The following MXD3 variants were observed in gnomAD, a reference collection of about 807,000 sequenced individuals.
MXD3 encodes the protein Max-associated protein 3.
In MXD3, 20 loss-of-function variants were observed where a neutral mutation model predicts 27.5. That is an observed-to-expected ratio of 0.73 (90% confidence interval 0.51 to 1.06). MXD3 has a LOEUF of 1.06. Ranked by LOEUF, MXD3 falls within the 50% of genes least tolerant of loss-of-function variation. The pLI is 0.00. For missense variants in MXD3, 298 were observed against 291.3 expected, an observed-to-expected ratio of 1.02 and a Z score of -0.17; for synonymous variants, 150 against 130.7, an observed-to-expected ratio of 1.15 and a Z score of -1.01.
rs750671130 is a variant in MXD3, at chr5:177,307,847, C to A, written c.439G>T (p.Glu147Ter). Residue 147 changes from glutamate to a stop codon, truncating the protein, a stop_gained, in exon 5 of 6, where the codon GAG becomes TAG. Coordinates refer to ENST00000439742, the MANE Select transcript of MXD3 (RefSeq NM_031300.4). LOFTEE classifies it high-confidence loss of function. ...TCCAGACTGTCCGCCCGCAGCCGCTCCCGCTCGGCCGCCCCTGCCAGCCCC... is the reference window on the plus strand; with the variant it reads ...TCCAGACTGTCCGCCCGCAGCCGCTACCGCTCGGCCGCCCCTGCCAGCCCC... Reference protein sequence around the residue: ...LRGLAGAAERERLRADSLDSS... With the variant: ...LRGLAGAAER The A allele has an allele frequency of 3.7e-6, 6 of 1,610,718 alleles. No homozygotes were observed. The South Asian group carries it at 6.6e-5, about 18-fold the overall frequency.
upstream of MXD3, chr5:177,312,644 T>C: frequency 1.0e-6 from 1 of 985,458 alleles, no homozygotes; most frequent in South Asian, 4.7e-5. Flanking sequence ...ATGGGAATAA[T>C]ATCTCGGCCC....
Position 177,307,532 on chromosome 5 carries a change from C to G in MXD3, c.*56G>C. 2 of 1,590,536 alleles carry G rather than the reference C, an allele frequency of 1.3e-6. No individual in the cohort carries two copies. Among genetic ancestry groups the G allele is most frequent in the Non-Finnish European group, 1.7e-6 (2 of 1,170,570 alleles). ...CTGAAGGCTTGGGGAGGGCTCCTGC[C>G]TGGCAAGTGGGCCTGGCACGAGTAG... On this transcript the variant is annotated 3_prime_UTR_variant, in exon 6 of 6. Transcript: ENST00000439742.
At chr5:177,309,342 G>A (rs1390062571) in intron 4 of MXD3, among the ~76,000 whole-genome samples, 4 of 152,212 alleles carry the variant, frequency 2.6e-5, no homozygotes, top group Non-Finnish European at 5.9e-5. Flanking sequence ...AGGCTGGGAG[G>A]AGGCCGGTGA....
upstream of MXD3, chr5:177,312,624 A>C (rs1360935094): frequency 2.0e-6 from 2 of 985,258 alleles, no homozygotes; most frequent in Non-Finnish European, 2.4e-6. Flanking sequence ...CCAGCTTCCT[A>C]CTGTGTCGAA....
chr5:177,306,394 A>AC (rs766257057), downstream of MXD3: 1 of 1,613,674 alleles, frequency 6.2e-7, no homozygotes, highest in East Asian at 2.2e-5. Flanking sequence ...GGCATCTTCT[A>AC]AAGGCAGCCA....
upstream of MXD3, chr5:177,312,564 G>A (rs962692120): frequency 8.1e-6 from 8 of 985,342 alleles, no homozygotes; most frequent in African/African-American, 8.7e-5. Flanking sequence ...GCCCTCCGGG[G>A]TCTGTCCCCA....
chr5:177,306,718 C>T, downstream of MXD3: 4 of 1,187,094 alleles, frequency 3.4e-6, no homozygotes, highest in Admixed American at 2.5e-5. Flanking sequence ...ATCTGCAGTA[C>T]ACCAAGCACA....
upstream of MXD3, chr5:177,312,500 G>T (rs1014431065): frequency 6.1e-6 from 6 of 985,354 alleles, no homozygotes; most frequent in East Asian, 3.4e-4. Flanking sequence ...GGTTGAGAGG[G>T]GAGCTGGGCC....
At chr5:177,312,150 C>G, upstream of MXD3, 1 of 1,056,592 alleles carries the variant, frequency 9.5e-7, no homozygotes, top group East Asian at 9.1e-5. Flanking sequence ...CCTCACTCAT[C>G]CACCCACGCC....
upstream of MXD3, chr5:177,312,328 A>C: frequency 1.0e-6 from 1 of 986,266 alleles, no homozygotes; most frequent in Non-Finnish European, 1.2e-6. Flanking sequence ...CCATTCGCAC[A>C]TGGCTTCTCA....
chr5:177,306,210 G>A (rs1353161210), downstream of MXD3: 29 of 1,595,024 alleles, frequency 1.8e-5, no homozygotes, highest in Non-Finnish European at 2.2e-5. Flanking sequence ...TTCCTCATAG[G>A]GAGAGGCTCA....
rs184284188 is a variant in MXD3 at position 177,307,578 on chromosome 5, G to A, written c.*10C>T. The A allele has an allele frequency of 2.5e-6, 4 of 1,611,768 alleles. No homozygotes were observed. The highest frequency in any genetic ancestry group is 4.5e-5 in the East Asian group (2 of 44,894). ...AGTAGAGGGCAGAGGCCCGCCCTGG[G>A]TGAGGAACATCATAGCCAGGCGCCG... On this transcript the variant is annotated 3_prime_UTR_variant, in exon 6 of 6. Coordinates refer to ENST00000439742, the MANE Select transcript of MXD3 (RefSeq NM_031300.4).
chr5:177,308,161 T>C (rs983274534), intron 4 of MXD3, 197 bp from the exon 5 acceptor site: 1 of 582,612 alleles, frequency 1.7e-6, no homozygotes, highest in Non-Finnish European at 3.0e-6. Context: ...ACACGTCCTG[T>C]CAGGGTGCTG....
intron 3 of MXD3, 37 bp from the exon 4 acceptor site, chr5:177,310,577 A>G: frequency 1.9e-6 from 3 of 1,611,788 alleles, no homozygotes; most frequent in African/African-American, 1.3e-5. Context: ...TGCCAGCCCC[A>G]CCTTGCCGGC....
chr5:177,306,329 G>A (rs747062777), downstream of MXD3: 6 of 1,592,858 alleles, frequency 3.8e-6, no homozygotes, highest in African/African-American at 1.3e-5. Flanking sequence ...TTTTAGTGGA[G>A]CCTGGCCCAG....
At chr5:177,306,600 C>G, downstream of MXD3, 1 of 1,600,812 alleles carries the variant, frequency 6.2e-7, no homozygotes, top group Non-Finnish European at 8.5e-7. Flanking sequence ...GCACCCCAGA[C>G]AGCTAGGCTT....
At chr5:177,310,593 G>A (rs1761012159) in intron 3 of MXD3, 53 bp from the exon 4 acceptor site, 1 of 1,612,608 alleles carries the variant, frequency 6.2e-7, no homozygotes, top group Non-Finnish European at 8.5e-7. Context: ...CCGGCCACAG[G>A]AATGGCAGGG....
At chr5:177,311,734 G>A in intron 1 of MXD3, 27 bp downstream of exon 1, 2 of 1,609,060 alleles carry the variant, frequency 1.2e-6, no homozygotes, top group East Asian at 2.2e-5. Flanking sequence ...GTCGCCGCCC[G>A]GAATTCAGCC....
At chr5:177,312,149 TCCAC>T, upstream of MXD3, 1 of 1,061,954 alleles carries the variant, frequency 9.4e-7, no homozygotes, top group South Asian at 2.7e-5. Flanking sequence ...GCCTCACTCA[TCCAC>T]CCACGCCGGC....
Sources: allele counts gnomAD v4.1 joint callset (sites outside exome capture counted in the v4.1 genomes callset), GRCh38; gene constraint gnomAD v4.1.1; transcripts MANE v1.5; gene names NCBI Gene and HGNC (gene_info 2026-07-23, HGNC 2026-07-21).